The following BRD9 variants were observed in gnomAD, a reference collection of about 807,000 sequenced individuals.
BRD9 encodes bromodomain-containing protein 9.
BRD9 carries 47 observed loss-of-function variants against 68.7 expected under a neutral mutation model. That is an observed-to-expected ratio of 0.68 (90% CI 0.54 to 0.87). BRD9 has a LOEUF of 0.87. Ranked by LOEUF, BRD9 falls within the 40% of genes least tolerant of loss-of-function variation. The probability of loss-of-function intolerance (pLI) is 0.00; values close to 1 mark genes in which losing one functional copy is unlikely to be tolerated. For missense variants in BRD9, 670 were observed against 748.4 expected, an observed-to-expected ratio of 0.90 and a Z score of 1.22; for synonymous variants, 313 against 293.9, an observed-to-expected ratio of 1.06 and a Z score of -0.67.
chr5:875,990 A>C (rs557513020), intron 12 of BRD9, 111 bp downstream of exon 12: 8 of 695,634 alleles, frequency 1.2e-5, no homozygotes, highest in Non-Finnish European at 1.9e-5. Flanking sequence ...CCGGCAGCAG[A>C]GTCCCTGCGA....
At chr5:869,700 T>A (rs1669425454) in intron 14 of BRD9, among the ~76,000 whole-genome samples, 1 of 152,248 alleles carries the variant, frequency 6.6e-6, no homozygotes. Context: ...CTTTCTGACT[T>A]CAGCTCTTCA....
chr5:867,907 T>C (rs1298860359), intron 14 of BRD9, among the ~76,000 whole-genome samples: 2 of 152,190 alleles, frequency 1.3e-5, no homozygotes, highest in East Asian at 1.9e-4. Flanking sequence ...TGATTGTGTT[T>C]TGAAATGTGA....
chr5:889,309 T>C lies in BRD9; in HGVS notation c.462-144A>G, dbSNP rs558027979. ...ACGAGCGTCTTTTAATTTATTGTGA[T>C]AGGTATTTCAGATATAATAAAAATT... is the stretch of plus-strand genomic sequence containing the variant. On this transcript the variant is annotated intron_variant, in intron 4 of 15. Transcript: ENST00000467963. 55 of 995,662 alleles carry C rather than the reference T, an allele frequency of 5.5e-5. No homozygotes were observed. In the South Asian group the frequency reaches 8.3e-4, roughly 15 times the overall value. The allele number at this position is 995,662 out of a possible 1,614,324, so 61.7% of individuals were successfully genotyped here. A position where few individuals can be genotyped will look rare whatever the true frequency, so the allele number is the denominator to read the frequency against.
At chr5:883,816 C>T (rs1371999810) in intron 8 of BRD9, 122 bp downstream of exon 8, 5 of 1,382,160 alleles carry the variant, frequency 3.6e-6, no homozygotes, top group South Asian at 1.3e-5. Context: ...CCCGTCAGGG[C>T]CCCACGCTGA....
intron 12 of BRD9, among the ~76,000 whole-genome samples, chr5:872,065 G>A (rs1750219343): frequency 6.6e-6 from 1 of 152,192 alleles, no homozygotes; most frequent in South Asian, 2.1e-4. Context: ...GGGCGCAGGA[G>A]CGAAGGAGGC....
intron 8 of BRD9, 54 bp downstream of exon 8, chr5:883,884 C>T: frequency 6.3e-7 from 1 of 1,585,794 alleles, no homozygotes; most frequent in East Asian, 2.2e-5. Context: ...AGGAGAGGCA[C>T]ACAGAGAGTC....
rs182532681 is a variant in BRD9 at position 875,669 on chromosome 5, A to G, written c.1383+432T>C. 2.6e-5 allele frequency among the ~76,000 whole-genome samples: 4 copies of G among 152,274 alleles called. No homozygotes were observed. In the East Asian group the frequency reaches 7.7e-4, roughly 29 times the overall value. On this transcript the variant is annotated intron_variant, in intron 12 of 15. Transcript: ENST00000467963. ...GCCCAGATGCTTTTTTATAGCAACA[A>G]TGCAAGTCAAACCTATTTTACAGTA...
In BRD9 at chr5:871,535, A is replaced by G. The variant is rs1206288027; in HGVS notation, c.1413T>C (p.Asp471=). ...ATGTTCAAAAACTTACCTTGGCTTC[A>G]TCTGGAGGCTTCATGGGAACATTTC... is the stretch of plus-strand genomic sequence containing the variant. ...QRRNVPMKPP[D]EAKVGDTLGD... Residue 471 remains aspartate (D), a synonymous_variant, in exon 13 of 16, where the codon GAT becomes GAC. Coordinates refer to ENST00000467963, the MANE Select transcript of BRD9 (RefSeq NM_023924.5). 1 of 1,614,200 alleles carries G rather than the reference A, an allele frequency of 6.2e-7. No individual in the cohort carries two copies. Among genetic ancestry groups the G allele is most frequent in the Non-Finnish European group, 8.5e-7 (1 of 1,179,978 alleles).
chr5:883,364 C>T (rs539881456), intron 8 of BRD9: 2 of 456,878 alleles, frequency 4.4e-6, no homozygotes, highest in Non-Finnish European at 8.8e-6. Context: ...CATTGCTCTA[C>T]TTCTCTTATC....
intron 8 of BRD9, chr5:881,410 G>A (rs940886450): frequency 1.7e-6 from 1 of 581,908 alleles, no homozygotes. Context: ...CCTGCTATAG[G>A]GGGTACAGCT....
At chr5:892,341 C>T (rs1753568787) in intron 1 of BRD9, 1 of 732,184 alleles carries the variant, frequency 1.4e-6, no homozygotes, top group Non-Finnish European at 2.1e-6. Flanking sequence ...AGCACAGATG[C>T]TTCCCTAGTC....
chr5:883,134 C>T, intron 8 of BRD9: 1 of 364,340 alleles, frequency 2.7e-6, no homozygotes, highest in South Asian at 2.1e-5. Flanking sequence ...GCAAGCCACA[C>T]AGAGCACTGC....
chr5:891,559 G>A (rs1020853958), intron 2 of BRD9, 81 bp downstream of exon 2: 5 of 1,503,658 alleles, frequency 3.3e-6, no homozygotes, highest in African/African-American at 1.4e-5. Flanking sequence ...CCACGCAGGC[G>A]CACTCTGCCT....
At chr5:884,637 G>T (rs1466520190) in intron 7 of BRD9, among the ~76,000 whole-genome samples, 3 of 152,254 alleles carry the variant, frequency 2.0e-5, no homozygotes, top group African/African-American at 7.2e-5. Context: ...AAGGAGTGTG[G>T]AAGGTTCTAG....
chr5:873,159 T>C (rs985645517), intron 12 of BRD9, among the ~76,000 whole-genome samples: 3 of 152,006 alleles, frequency 2.0e-5, no homozygotes, highest in African/African-American at 4.8e-5. Context: ...AGTGAGACTC[T>C]ATGTCTCAAA....
rs1338397821 is a variant in BRD9, at chr5:888,745, AAAC to A, written c.606+273_606+275del. On this transcript the variant is annotated intron_variant, in intron 5 of 15. Coordinates refer to ENST00000467963, the MANE Select transcript of BRD9 (RefSeq NM_023924.5). Reference sequence around the variant, plus strand: ...GCCACACCGGACACCTCACTGCTTGAAACAACATGTCCTATTTACGCCAGCGCA... The same window carrying A: ...GCCACACCGGACACCTCACTGCTTGAAACATGTCCTATTTACGCCAGCGCA... Among the ~76,000 whole-genome samples, 3 of 152,250 alleles carry A rather than the reference AAAC, an allele frequency of 2.0e-5. 1 individual carries two copies. Among genetic ancestry groups the A allele is most frequent in the Admixed American group, 6.5e-5 (1 of 15,292 alleles).
chr5:877,685 C>G (rs1036001688), intron 11 of BRD9, among the ~76,000 whole-genome samples: 2 of 152,180 alleles, frequency 1.3e-5, no homozygotes, highest in African/African-American at 4.8e-5. Flanking sequence ...CTTTAGCCTG[C>G]CATGGCCTGA....
In BRD9 at chr5:892,672, C is replaced by A; in HGVS notation, c.-15G>T. On this transcript the variant is annotated 5_prime_UTR_variant, in exon 1 of 16. Coordinates refer to ENST00000467963, the MANE Select transcript of BRD9 (RefSeq NM_023924.5). ...TTCTTGCCCATGGCGGCGCCGGCGG[C>A]GGGCCCGAGGCGGGGGCTGGGAACA... The A allele has an allele frequency of 7.1e-7, 1 of 1,406,464 alleles. No individual in the cohort carries two copies. Among genetic ancestry groups the A allele is most frequent in the East Asian group, 3.1e-5 (1 of 32,402 alleles). 87.1% of individuals were successfully genotyped at this position (1,406,464 alleles called of 1,614,324 possible).
chr5:887,206 C>T (rs1040937552), intron 6 of BRD9, among the ~76,000 whole-genome samples, 155 bp downstream of exon 6: 3 of 152,224 alleles, frequency 2.0e-5, no homozygotes, highest in African/African-American at 7.2e-5. Flanking sequence ...GCAGAGAGGG[C>T]GGCCGGGGAC....
Sources: gnomAD v4.1 joint callset for allele counts (sites outside exome capture counted in the v4.1 genomes callset) on GRCh38, gnomAD v4.1.1 for gene constraint, MANE v1.5 for transcripts, NCBI Gene and HGNC (gene_info 2026-07-23, HGNC 2026-07-21) for gene names.